The following CSMD1 variants were observed in gnomAD, a reference collection of about 807,000 sequenced individuals.
The protein encoded by CSMD1 is CUB and sushi domain-containing protein 1.
A neutral mutation model predicts 417.5 loss-of-function variants in CSMD1; 213 were observed. That is an observed-to-expected ratio of 0.51 (90% CI 0.46 to 0.57). The LOEUF (loss-of-function observed/expected upper bound fraction) is 0.57. Among genes scored for constraint, CSMD1 ranks in the 20% least tolerant of loss-of-function variants. The probability of loss-of-function intolerance (pLI) is 0.00; values close to 1 mark genes in which losing one functional copy is unlikely to be tolerated. For synonymous variants in CSMD1, 2,862 were observed against 1,736.8 expected (o/e 1.65, Z -16.11); for missense variants, 6,923 against 4,529.7 (o/e 1.53, Z -15.17).
At position 4,936,979 on chromosome 8, in the gene CSMD1, G is replaced by C. The variant is rs1284744171; in HGVS notation, c.85+57353C>G. 2.6e-5 allele frequency among the ~76,000 whole-genome samples: 4 copies of C among 152,284 alleles called. No individual in the cohort carries two copies. In the East Asian group the frequency reaches 7.7e-4, roughly 29 times the overall value. On this transcript the variant is annotated intron_variant, in intron 1 of 69. Transcript: ENST00000635120. ...TAACCCTAGCACCTTAGCAGGCCAA[G>C]GCTGGAGGATACCTTGAGGTCAGGA...
At chr8:3,583,850 A>G (rs781745755) in intron 9 of CSMD1, among the ~76,000 whole-genome samples, 13 of 151,884 alleles carry the variant, frequency 8.6e-5, no homozygotes, top group Non-Finnish European at 1.6e-4. Context: ...ACTTTTCAAG[A>G]AATTGAGGGT....
At chr8:4,731,107 G>C (rs966032812) in intron 1 of CSMD1, among the ~76,000 whole-genome samples, 2 of 152,174 alleles carry the variant, frequency 1.3e-5, no homozygotes, top group African/African-American at 4.8e-5. Flanking sequence ...ACCTGCTTTT[G>C]ATTTGCCCAT....
chr8:3,223,821 T>G lies in CSMD1; in HGVS notation c.4392A>C (p.Ser1464=), dbSNP rs762520623. The change falls in exon 28 of 70, where the codon TCA becomes TCC. Residue 1464 remains serine (S), a synonymous_variant. Coordinates refer to ENST00000635120, the MANE Select transcript of CSMD1 (RefSeq NM_033225.6). ...NLTGPAGVIL[S]PNYPQPYPPG... Reference sequence around the variant, plus strand: ...GAGGATACGGCTGTGGGTAGTTGGGTGACAAAATAACACCTGCTGGGCCCG... The same window carrying G: ...GAGGATACGGCTGTGGGTAGTTGGGGGACAAAATAACACCTGCTGGGCCCG... The G allele has an allele frequency of 1.6e-5, 26 of 1,613,558 alleles. No homozygotes were observed. Among genetic ancestry groups the G allele is most frequent in the Middle Eastern group, 1.6e-4 (1 of 6,082 alleles).
At chr8:3,440,859 C>G (rs1585168987) in intron 12 of CSMD1, among the ~76,000 whole-genome samples, 1 of 152,292 alleles carries the variant, frequency 6.6e-6, no homozygotes, top group South Asian at 2.1e-4. Flanking sequence ...GAGACGTTGT[C>G]ATGAACAGAC....
chr8:4,908,684 A>T (rs1403399446), intron 1 of CSMD1, among the ~76,000 whole-genome samples: 1 of 151,000 alleles, frequency 6.6e-6, no homozygotes, highest in Non-Finnish European at 1.5e-5. Context: ...TATTCAGTCT[A>T]GCAATGAGTC....
chr8:4,815,851 G>A (rs1201182104), intron 1 of CSMD1, among the ~76,000 whole-genome samples: 1 of 152,064 alleles, frequency 6.6e-6, no homozygotes, highest in South Asian at 2.1e-4. Context: ...GAAGGGCTGT[G>A]GTTGTTTTAA....
At chr8:3,854,754 A>G (rs1804177590) in intron 5 of CSMD1, among the ~76,000 whole-genome samples, 1 of 58,926 alleles carries the variant, frequency 1.7e-5, no homozygotes, top group East Asian at 7.6e-4. Flanking sequence ...GGTAAAAAAG[A>G]AAAAAAAAAG....
intron 3 of CSMD1, among the ~76,000 whole-genome samples, chr8:4,289,517 G>C (rs1295928552): frequency 6.6e-6 from 1 of 152,124 alleles, no homozygotes. Flanking sequence ...CTGTCAGTAT[G>C]AGCAAGATGT....
At chr8:3,956,558 T>G (rs891066327) in intron 5 of CSMD1, among the ~76,000 whole-genome samples, 1 of 152,224 alleles carries the variant, frequency 6.6e-6, no homozygotes, top group African/African-American at 2.4e-5. Context: ...TATCAAATAC[T>G]TAATATGTAT....
chr8:2,965,890 G>A lies in CSMD1; in HGVS notation c.9165C>T (p.Phe3055=). The A allele has an allele frequency of 1.2e-6, 2 of 1,610,540 alleles. No homozygotes were observed. Among genetic ancestry groups the A allele is most frequent in the Non-Finnish European group, 1.7e-6 (2 of 1,178,412 alleles). ...TACACTGATAGCTCACAGTCTTGTT[G>A]AAGGTGAAGTCGGTCCCAAACTGGA... ...NGIQFGTDFT[F]NKTVSYQCNP... Residue 3055 remains phenylalanine (F), a synonymous_variant, in exon 59 of 70, where the codon TTC becomes TTT. Coordinates refer to ENST00000635120, the MANE Select transcript of CSMD1 (RefSeq NM_033225.6).
chr8:4,262,570 G>A (rs1025604259), intron 3 of CSMD1, among the ~76,000 whole-genome samples: 1 of 152,102 alleles, frequency 6.6e-6, no homozygotes, highest in African/African-American at 2.4e-5. Flanking sequence ...GGACACACAC[G>A]GAGGAAACTC....
chr8:4,080,373 T>G (rs1800066982), intron 3 of CSMD1, among the ~76,000 whole-genome samples: 1 of 152,206 alleles, frequency 6.6e-6, no homozygotes. Context: ...CACAAACAGG[T>G]ATCAGAATTC....
chr8:3,544,125 G>A (rs1410438323), intron 10 of CSMD1, among the ~76,000 whole-genome samples: 4 of 152,056 alleles, frequency 2.6e-5, no homozygotes, highest in African/African-American at 4.8e-5. Context: ...TTGGTAAAAC[G>A]AGCCTGGGAC....
intron 30 of CSMD1, among the ~76,000 whole-genome samples, chr8:3,213,698 T>C (rs1368400631): frequency 1.3e-5 from 2 of 150,900 alleles, no homozygotes; most frequent in Non-Finnish European, 2.9e-5. Flanking sequence ...TATGTATATA[T>C]ATAAAAATAT....
chr8:4,078,346 G>C (rs559168901), intron 3 of CSMD1, among the ~76,000 whole-genome samples: 1 of 122,338 alleles, frequency 8.2e-6, no homozygotes, highest in Non-Finnish European at 1.6e-5. Flanking sequence ...AGGGAGTCTT[G>C]CTCTGTGTCG....
chr8:4,200,283 T>A (rs1039155278), intron 3 of CSMD1, among the ~76,000 whole-genome samples: 4 of 152,214 alleles, frequency 2.6e-5, no homozygotes, highest in Non-Finnish European at 5.9e-5. Context: ...TTTCAGAGGA[T>A]AATTTTTTTG....
intron 5 of CSMD1, among the ~76,000 whole-genome samples, chr8:3,902,037 T>A (rs940528510): frequency 6.6e-6 from 1 of 152,166 alleles, no homozygotes; most frequent in Non-Finnish European, 1.5e-5. Flanking sequence ...TATACGTTGT[T>A]CTTCTTTTGC....
At chr8:3,638,702 A>C (rs770922535) in intron 7 of CSMD1, among the ~76,000 whole-genome samples, 1 of 152,176 alleles carries the variant, frequency 6.6e-6, no homozygotes, top group Non-Finnish European at 1.5e-5. Context: ...ACACATGGGC[A>C]AAAGGCTTGT....
chr8:4,384,018 C>A (rs750275821), intron 3 of CSMD1, among the ~76,000 whole-genome samples: 16 of 150,736 alleles, frequency 1.1e-4, no homozygotes, highest in Non-Finnish European at 1.9e-4. Flanking sequence ...AGGGACCACC[C>A]CCCGCCTCAT....
Sources: allele counts gnomAD v4.1 joint callset (sites outside exome capture counted in the v4.1 genomes callset), GRCh38; gene constraint gnomAD v4.1.1; transcripts MANE v1.5; gene names NCBI Gene and HGNC (gene_info 2026-07-23, HGNC 2026-07-21).